Variants in TCF7L1 observed in about 807,000 individuals in gnomAD.
TCF7L1 encodes the protein transcription factor 7 like 1.
Under a neutral mutation model 63.7 loss-of-function variants are expected in TCF7L1, and 18 were observed. That is an observed-to-expected ratio of 0.28 (90% CI 0.20 to 0.42). The LOEUF is 0.42. TCF7L1 is among the 10% of genes least tolerant of loss of function. The probability of loss-of-function intolerance (pLI) is 1.00; values close to 1 mark genes in which losing one functional copy is unlikely to be tolerated. For missense variants in TCF7L1, 654 were observed against 779.3 expected (o/e 0.84, Z 1.91); for synonymous variants, 355 against 340.9 (o/e 1.04, Z -0.46).
chr2:85,283,277 A>G lies in TCF7L1; in HGVS notation c.442-218A>G, dbSNP rs34644194. 0.38 allele frequency among the ~76,000 whole-genome samples: 46,896 copies of G among 123,874 alleles called. 8,002 individuals carry two copies. The highest frequency in any genetic ancestry group is 0.44 in the Middle Eastern group (109 of 246). 81.3% of individuals were successfully genotyped at this position (123,874 alleles called of 152,430 possible). ...GTTGTCATTCGTGTCCCCCCCCCCA[A>G]AATGACATAGGGCGTGGTGAGGCTG... On this transcript the variant is annotated intron_variant, in intron 3 of 11. Coordinates refer to ENST00000282111, the MANE Select transcript of TCF7L1 (RefSeq NM_031283.3).
rs973428961 is a variant in TCF7L1, at chr2:85,134,201, G to T, written c.313+122G>T. On this transcript the variant is annotated intron_variant, in intron 2 of 11. Coordinates refer to ENST00000282111, the MANE Select transcript of TCF7L1 (RefSeq NM_031283.3). This position sits in a 1 kb window ranked among gnomAD's most constrained non-coding sequence, Gnocchi z 5.0. ...ACCCTTGCCCTCCGCCTTTATTGGC[G>T]GCAGCCCCCGTGGGGCGCGCGTGGG... 1 of 1,485,748 alleles carries T rather than the reference G, an allele frequency of 6.7e-7. No individual in the cohort carries two copies. The highest frequency in any genetic ancestry group is 9.0e-7 in the Non-Finnish European group (1 of 1,114,804). The allele number at this position is 1,485,748 out of a possible 1,614,324, so 92.0% of individuals were successfully genotyped here. A position where few individuals can be genotyped will look rare whatever the true frequency, so the allele number is the denominator to read the frequency against.
At chr2:85,142,432 ATGTGTGTGTGTGTGTGT>A (rs1483912824) in intron 3 of TCF7L1, among the ~76,000 whole-genome samples, 150 of 138,062 alleles carry the variant, frequency 1.1e-3, no homozygotes, top group African/African-American at 4.0e-3. Context: ...AAAAAAAAAA[ATGTGTGTGTGTGTGTGT>A]GTGTGTGTGT....
At chr2:85,225,053 T>A (rs1373161810) in intron 3 of TCF7L1, among the ~76,000 whole-genome samples, 8 of 152,238 alleles carry the variant, frequency 5.3e-5, no homozygotes, top group Non-Finnish European at 2.9e-5. Context: ...TCCCCATTGC[T>A]TATTTTTGTC....
chr2:85,301,037 C>T (rs1245247841), intron 4 of TCF7L1, among the ~76,000 whole-genome samples: 1 of 152,176 alleles, frequency 6.6e-6, no homozygotes, highest in African/African-American at 2.4e-5. Context: ...GCCTTGGCCT[C>T]CCAAAATGCT....
At chr2:85,211,304 G>A (rs958643582) in intron 3 of TCF7L1, among the ~76,000 whole-genome samples, 1 of 152,244 alleles carries the variant, frequency 6.6e-6, no homozygotes, top group African/African-American at 2.4e-5. Context: ...GTTGAAAGGT[G>A]TGTGCACAGC....
chr2:85,138,304 T>C (rs1558613039), intron 3 of TCF7L1, among the ~76,000 whole-genome samples: 1 of 152,194 alleles, frequency 6.6e-6, no homozygotes, highest in African/African-American at 2.4e-5. Flanking sequence ...CTTGCTCATA[T>C]CCTGGGAGCT....
At chr2:85,144,417 C>CAAAA (rs55964315) in intron 3 of TCF7L1, among the ~76,000 whole-genome samples, 16 of 95,010 alleles carry the variant, frequency 1.7e-4, no homozygotes, top group African/African-American at 3.1e-4. Context: ...CCTGTCTCTA[C>CAAAA]AAAAAAAAAA....
At chr2:85,203,406 C>T (rs1057451325) in intron 3 of TCF7L1, among the ~76,000 whole-genome samples, 2 of 152,126 alleles carry the variant, frequency 1.3e-5, no homozygotes, top group African/African-American at 4.8e-5. Context: ...TCAGACTCAG[C>T]TAAATGGAAA....
chr2:85,202,787 A>T (rs1189791427), intron 3 of TCF7L1, among the ~76,000 whole-genome samples: 1 of 152,112 alleles, frequency 6.6e-6, no homozygotes, highest in Non-Finnish European at 1.5e-5. Context: ...CAATTGAGAG[A>T]TAAACACTGA....
intron 3 of TCF7L1, among the ~76,000 whole-genome samples, chr2:85,259,431 G>A (rs1455145176): frequency 6.6e-6 from 1 of 152,170 alleles, no homozygotes; most frequent in African/African-American, 2.4e-5. Flanking sequence ...CAAATTGTTC[G>A]CATTCATTTG....
chr2:85,268,582 C>T (rs949601737), intron 3 of TCF7L1, among the ~76,000 whole-genome samples: 2 of 147,900 alleles, frequency 1.4e-5, no homozygotes, highest in African/African-American at 5.0e-5. Flanking sequence ...GCTGGGATTA[C>T]AGGCGCCCGC....
At chr2:85,298,519 AC>A (rs1421247003) in intron 4 of TCF7L1, among the ~76,000 whole-genome samples, 2 of 150,314 alleles carry the variant, frequency 1.3e-5, no homozygotes, top group African/African-American at 4.9e-5. Flanking sequence ...GAGAGAGGAC[AC>A]ATGGCTTCCT....
chr2:85,297,884 C>G (rs746551237), intron 4 of TCF7L1, among the ~76,000 whole-genome samples: 25 of 151,972 alleles, frequency 1.6e-4, no homozygotes, highest in Non-Finnish European at 3.1e-4. Context: ...TCTACTTTCT[C>G]TTAGTTTTTC....
chr2:85,156,118 A>G (rs1192819773), intron 3 of TCF7L1, among the ~76,000 whole-genome samples: 1 of 152,146 alleles, frequency 6.6e-6, no homozygotes, highest in Non-Finnish European at 1.5e-5. Context: ...CCTCCACTTT[A>G]CCAGTCCCTC....
chr2:85,307,645 A>G lies in TCF7L1; in HGVS notation c.1261A>G (p.Lys421Glu). ...TTCCTTTGGCTGTATTTTCCAGGGT[A>G]AGAAAAAGAAGAGGAAGAGAGAAAA... ...PTWSARDNYG[K>E]KKKRKREKQL... is the part of the protein sequence containing the mutation. The change falls in exon 11 of 12, where the codon AAG becomes GAG. Residue 421 changes from lysine (K) to glutamate (E), a missense_variant. This residue lies in a region of TCF7L1 where 66 missense variants were observed against 120.5 expected (regional missense o/e 0.55). Transcript: ENST00000282111. The G allele has an allele frequency of 6.2e-7, 1 of 1,613,628 alleles. No individual in the cohort carries two copies. Among genetic ancestry groups the G allele is most frequent in the Non-Finnish European group, 8.5e-7 (1 of 1,179,830 alleles).
At chr2:85,228,761 A>G (rs1237493144) in intron 3 of TCF7L1, among the ~76,000 whole-genome samples, 2 of 152,048 alleles carry the variant, frequency 1.3e-5, no homozygotes, top group African/African-American at 4.8e-5. Context: ...CACGCCTGTA[A>G]TCCCAGCACT....
intron 3 of TCF7L1, among the ~76,000 whole-genome samples, chr2:85,140,835 T>C (rs1677718292): frequency 6.6e-6 from 1 of 151,934 alleles, no homozygotes. Flanking sequence ...CACTCCAACC[T>C]GGGCAACAAG....
At chr2:85,212,300 T>C (rs1031523040) in intron 3 of TCF7L1, among the ~76,000 whole-genome samples, 3 of 152,064 alleles carry the variant, frequency 2.0e-5, no homozygotes, top group Admixed American at 6.6e-5. Context: ...CCAGCTGGCA[T>C]GACCTCAAGC....
At chr2:85,186,874 T>C (rs912243166) in intron 3 of TCF7L1, 10 of 152,244 alleles carry the variant, frequency 6.6e-5, no homozygotes, top group Non-Finnish European at 1.5e-4. Context: ...AGATTTGTAC[T>C]GTACTAATGA....
Sources: gnomAD v4.1 joint callset for allele counts (sites outside exome capture counted in the v4.1 genomes callset) on GRCh38, gnomAD v4.1.1 for gene constraint, gnomAD v4.1.1 regional missense constraint, Gnocchi (gnomAD v3.1) non-coding constraint, MANE v1.5 for transcripts, NCBI Gene and HGNC (gene_info 2026-07-23, HGNC 2026-07-21) for gene names.